The following GALNT18 variants were observed in gnomAD, a reference collection of about 807,000 sequenced individuals.
GALNT18 encodes polypeptide N-acetylgalactosaminyltransferase 18.
Under a neutral mutation model 69.5 loss-of-function variants are expected in GALNT18, and 44 were observed. That is an observed-to-expected ratio of 0.63 (90% CI 0.50 to 0.81). The LOEUF (loss-of-function observed/expected upper bound fraction) is 0.81. Ranked by LOEUF, GALNT18 falls within the 40% of genes least tolerant of loss-of-function variation. GALNT18 has a pLI of 0.00. For synonymous variants in GALNT18, 364 were observed against 318.2 expected, an observed-to-expected ratio of 1.14 and a Z score of -1.53; for missense variants, 715 against 810.0, an observed-to-expected ratio of 0.88 and a Z score of 1.42.
intron 1 of GALNT18, among the ~76,000 whole-genome samples, chr11:11,539,653 C>A (rs889845274): frequency 6.6e-6 from 1 of 152,128 alleles, no homozygotes; most frequent in Non-Finnish European, 1.5e-5. Context: ...TGGGAGGCTG[C>A]GGAGGGTTCC....
In GALNT18 at chr11:11,341,964, TA is replaced by T. The variant is rs200943344; in HGVS notation, c.1093-961del. Among the ~76,000 whole-genome samples, 31 of 135,346 alleles carry T rather than the reference TA, an allele frequency of 2.3e-4. No individual in the cohort carries two copies. Among genetic ancestry groups the T allele is most frequent in the East Asian group, 1.1e-3 (5 of 4,616 alleles). The allele number at this position is 135,346 out of a possible 152,430, so 88.8% of individuals were successfully genotyped here. On this transcript the variant is annotated intron_variant, in intron 6 of 10. Coordinates refer to ENST00000227756, the MANE Select transcript of GALNT18 (RefSeq NM_198516.3). The surrounding 1 kb of genome is among the most constrained non-coding windows in gnomAD (Gnocchi z 6.3). ...TAGTGAGATCCTGTCTCTAAAACAT[TA>T]AAATTTTTTTTTTTTTAAAAAGACC...
chr11:11,307,165 C>T (rs1301025563), intron 9 of GALNT18, among the ~76,000 whole-genome samples: 7 of 87,538 alleles, frequency 8.0e-5, no homozygotes, highest in Admixed American at 1.7e-4. Flanking sequence ...ATTGCCTGCT[C>T]TCAGGAAAAA....
In GALNT18 at chr11:11,595,788, C is replaced by CT. The variant is rs1344172060; in HGVS notation, c.235+25570dup. On this transcript the variant is annotated intron_variant, in intron 1 of 10. Transcript: ENST00000227756. The surrounding 1 kb of genome is among the most constrained non-coding windows in gnomAD (Gnocchi z 5.2). ...TTTTGTAAATTCTGGATATTAACCC[C>CT]TTACCAGATAAATGACTCCCAAATA... is the stretch of plus-strand genomic sequence containing the variant. Among the ~76,000 whole-genome samples the CT allele has an allele frequency of 8.5e-5, 13 of 152,180 alleles. No homozygotes were observed. The highest frequency in any genetic ancestry group is 7.2e-4 in the Admixed American group (11 of 15,280).
intron 6 of GALNT18, among the ~76,000 whole-genome samples, chr11:11,369,932 C>T (rs1850859875): frequency 6.6e-6 from 1 of 152,048 alleles, no homozygotes; most frequent in Admixed American, 6.6e-5. Flanking sequence ...AGACGGTGCT[C>T]AAAGTACTTT....
intron 1 of GALNT18, among the ~76,000 whole-genome samples, chr11:11,479,620 C>T (rs1019985763): frequency 1.3e-5 from 2 of 151,990 alleles, no homozygotes; most frequent in African/African-American, 4.8e-5. Context: ...TACTTTGATA[C>T]AATTCAAAAA....
intron 10 of GALNT18, 62 bp downstream of exon 10, chr11:11,292,965 CCT>C: frequency 7.6e-7 from 1 of 1,319,846 alleles, no homozygotes; most frequent in Non-Finnish European, 9.8e-7. Context: ...CTCCCTGGCC[CCT>C]GAGGCCACTC....
intron 1 of GALNT18, among the ~76,000 whole-genome samples, chr11:11,608,368 G>T (rs4993126): frequency 0.31 from 46,514 of 150,266 alleles, 9,674 homozygotes; most frequent in African/African-American, 0.59. Context: ...TTGTTTTTTG[G>T]TTTTTTTTTG....
At chr11:11,323,944 C>T (rs973939627) in intron 9 of GALNT18, among the ~76,000 whole-genome samples, 2 of 152,202 alleles carry the variant, frequency 1.3e-5, no homozygotes, top group South Asian at 2.1e-4. Flanking sequence ...GATAATTCTT[C>T]AGATCTTTAA....
chr11:11,302,588 G>A (rs937971260), intron 9 of GALNT18, among the ~76,000 whole-genome samples: 1 of 152,176 alleles, frequency 6.6e-6, no homozygotes, highest in Admixed American at 6.5e-5. Context: ...GCAGAAACAC[G>A]CTGCCATGGG....
rs565701773 is a variant in GALNT18 at position 11,309,964 on chromosome 11, T to C, written c.1513-16771A>G. ...CTCTCTACTTATTTCTTCCCTTCAG[T>C]CTCAAAACATGTTCCCTTATTGCTT... On this transcript the variant is annotated intron_variant, in intron 9 of 10. Coordinates refer to ENST00000227756, the MANE Select transcript of GALNT18 (RefSeq NM_198516.3). This position sits in a 1 kb window ranked among gnomAD's most constrained non-coding sequence, Gnocchi z 4.6. Among the ~76,000 whole-genome samples the C allele has an allele frequency of 2.6e-5, 4 of 151,096 alleles. No homozygotes were observed. The South Asian group carries it at 8.4e-4, about 32-fold the overall frequency.
chr11:11,467,110 G>A (rs373494856), intron 1 of GALNT18, among the ~76,000 whole-genome samples: 2 of 152,334 alleles, frequency 1.3e-5, no homozygotes, highest in East Asian at 3.9e-4. Context: ...CGGGAGGCAG[G>A]AGGCCCTTAA....
chr11:11,491,460 A>C (rs1856768604), intron 1 of GALNT18, among the ~76,000 whole-genome samples: 1 of 152,190 alleles, frequency 6.6e-6, no homozygotes, highest in South Asian at 2.1e-4. Flanking sequence ...ATAACCAATT[A>C]AAGCCTGGGT....
Position 11,595,001 on chromosome 11 carries a change from A to G in GALNT18, c.235+26358T>C, listed in dbSNP as rs199645288. ...TACATATGTGTGTGTGTGTGTGTGT[A>G]TATATATCTATATAAAATCTCCAAG... On this transcript the variant is annotated intron_variant, in intron 1 of 10. Coordinates refer to ENST00000227756, the MANE Select transcript of GALNT18 (RefSeq NM_198516.3). This position sits in a 1 kb window ranked among gnomAD's most constrained non-coding sequence, Gnocchi z 5.2. Among the ~76,000 whole-genome samples the G allele has an allele frequency of 0.034, 4,426 of 131,264 alleles. 222 individuals are homozygous for G. Among genetic ancestry groups the G allele is most frequent in the African/African-American group, 0.11 (4,154 of 39,006 alleles). The allele number at this position is 131,264 out of a possible 152,430, so 86.1% of individuals were successfully genotyped here.
At chr11:11,350,458 A>G (rs1284540747) in intron 6 of GALNT18, among the ~76,000 whole-genome samples, 1 of 152,210 alleles carries the variant, frequency 6.6e-6, no homozygotes, top group African/African-American at 2.4e-5. Flanking sequence ...CCTGATTACT[A>G]TTGTTCAAAC....
At chr11:11,485,505 G>T (rs572965270) in intron 1 of GALNT18, among the ~76,000 whole-genome samples, 1 of 152,170 alleles carries the variant, frequency 6.6e-6, no homozygotes, top group South Asian at 2.1e-4. Context: ...CCACCTCCAA[G>T]AACTTTTTGC....
chr11:11,331,065 T>C (rs1850009865), intron 8 of GALNT18, among the ~76,000 whole-genome samples: 1 of 151,932 alleles, frequency 6.6e-6, no homozygotes, highest in African/African-American at 2.4e-5. Flanking sequence ...ATGGGTGGAG[T>C]GTGGGGCATC....
intron 9 of GALNT18, 34 bp downstream of exon 9, chr11:11,327,052 C>T (rs747107371): frequency 1.1e-5 from 16 of 1,475,224 alleles, no homozygotes; most frequent in Non-Finnish European, 1.5e-5. Context: ...CTCATATGCA[C>T]ACTCCTGGCA....
chr11:11,579,493 TG>T (rs1245522787), intron 1 of GALNT18, among the ~76,000 whole-genome samples: 1 of 152,128 alleles, frequency 6.6e-6, no homozygotes, highest in African/African-American at 2.4e-5. Flanking sequence ...TCGGATTAGG[TG>T]GGGGTTGAGG....
chr11:11,573,263 C>T lies in GALNT18; in HGVS notation c.235+48096G>A, dbSNP rs373812927. ...GATTCCCTACACACAGCTTTCAATACTGAAGATGGAGCTCTCTGTCCCCGG... is the reference window on the plus strand; with the variant it reads ...GATTCCCTACACACAGCTTTCAATATTGAAGATGGAGCTCTCTGTCCCCGG... On this transcript the variant is annotated intron_variant, in intron 1 of 10. Coordinates refer to ENST00000227756, the MANE Select transcript of GALNT18 (RefSeq NM_198516.3). The surrounding 1 kb of genome is among the most constrained non-coding windows in gnomAD (Gnocchi z 4.6). 5.9e-5 allele frequency among the ~76,000 whole-genome samples: 9 copies of T among 152,340 alleles called. No individual in the cohort carries two copies. The South Asian group carries it at 1.2e-3, about 21-fold the overall frequency.
Sources: gnomAD v4.1 joint callset for allele counts (sites outside exome capture counted in the v4.1 genomes callset) on GRCh38, gnomAD v4.1.1 for gene constraint, Gnocchi (gnomAD v3.1) non-coding constraint, MANE v1.5 for transcripts, NCBI Gene and HGNC (gene_info 2026-07-23, HGNC 2026-07-21) for gene names.